The following MYO5A variants were observed in gnomAD, a reference collection of about 807,000 sequenced individuals.
MYO5A encodes the protein unconventional myosin-Va.
A neutral mutation model predicts 249.7 loss-of-function variants in MYO5A; 98 were observed. The observed-to-expected ratio is 0.39, with a 90% CI of 0.33 to 0.46. The LOEUF (loss-of-function observed/expected upper bound fraction) is 0.46, where lower values mean the gene tolerates loss of function less well. Among genes scored for constraint, MYO5A ranks in the 20% least tolerant of loss-of-function variants. The probability of loss-of-function intolerance (pLI) is 0.98; values close to 1 mark genes in which losing one functional copy is unlikely to be tolerated. For missense variants in MYO5A, 1,696 were observed against 2,308.8 expected, an observed-to-expected ratio of 0.73 and a Z score of 5.44; for synonymous variants, 778 against 810.6, an observed-to-expected ratio of 0.96 and a Z score of 0.68.
At chr15:52,415,674 C>T (rs56128753) in intron 5 of MYO5A, among the ~76,000 whole-genome samples, 22,886 of 152,100 alleles carry the variant, frequency 0.15, 1,829 homozygotes, top group Middle Eastern at 0.22. Flanking sequence ...CAACTGAGGT[C>T]GGACTAAGTA....
At chr15:52,491,383 GT>G (rs2076933012) in intron 1 of MYO5A, among the ~76,000 whole-genome samples, 1 of 151,984 alleles carries the variant, frequency 6.6e-6, no homozygotes, top group African/African-American at 2.4e-5. Context: ...GGGTTCTGAT[GT>G]TTTCTATTAA....
rs999482424 is a variant in MYO5A at position 52,502,013 on chromosome 15, T to A, written c.27+26767A>T. Among the ~76,000 whole-genome samples the A allele has an allele frequency of 3.9e-5, 6 of 152,066 alleles. No individual in the cohort carries two copies. The East Asian group carries it at 1.2e-3, about 29-fold the overall frequency. Reference sequence around the variant, plus strand: ...TTTTAAATAGTGGTCAAGATAGTATTTATATATATAAACTAATATTAAATT... The same window carrying A: ...TTTTAAATAGTGGTCAAGATAGTATATATATATATAAACTAATATTAAATT... On this transcript the variant is annotated intron_variant, in intron 1 of 41. Transcript: ENST00000399233.
chr15:52,371,872 A>G (rs1408185903), intron 21 of MYO5A, among the ~76,000 whole-genome samples: 1 of 105,624 alleles, frequency 9.5e-6, no homozygotes, highest in Non-Finnish European at 1.9e-5. Flanking sequence ...CCTGTCTCAA[A>G]TAATAGTAAT....
chr15:52,372,034 G>GGGTAA, intron 21 of MYO5A, 90 bp downstream of exon 21: 1 of 1,588,920 alleles, frequency 6.3e-7, no homozygotes, highest in South Asian at 1.1e-5. Context: ...TAAGACCGAA[G>GGGTAA]GGTAAAGTCA....
intron 8 of MYO5A, 50 bp from the exon 9 acceptor site, chr15:52,405,443 A>C (rs1199540962): frequency 4.5e-6 from 6 of 1,344,632 alleles, no homozygotes; most frequent in Non-Finnish European, 6.4e-6. Context: ...AATAGAAACT[A>C]AACAATTACA....
chr15:52,505,123 T>TC (rs2077241590), intron 1 of MYO5A: 1 of 689,156 alleles, frequency 1.5e-6, no homozygotes, highest in Non-Finnish European at 2.6e-6. Context: ...CCAAGGACAA[T>TC]CTGTGGGCCA....
chr15:52,525,763 T>A (rs2077719363), intron 1 of MYO5A, among the ~76,000 whole-genome samples: 1 of 152,234 alleles, frequency 6.6e-6, no homozygotes, highest in Non-Finnish European at 1.5e-5. Flanking sequence ...TAGTAGTTTT[T>A]ATCTCTGGAA....
chr15:52,343,636 T>C (rs891662304), intron 30 of MYO5A, among the ~76,000 whole-genome samples: 2 of 152,206 alleles, frequency 1.3e-5, no homozygotes, highest in African/African-American at 4.8e-5. Flanking sequence ...GTCCTCTAGG[T>C]AGGAACGTTT....
intron 1 of MYO5A, among the ~76,000 whole-genome samples, chr15:52,480,084 C>T (rs923225658): frequency 3.3e-5 from 5 of 152,170 alleles, no homozygotes; most frequent in South Asian, 2.1e-4. Context: ...AGCATCACAT[C>T]GTATACCTTG....
At position 52,337,725 on chromosome 15, in the gene MYO5A, G is replaced by T. The variant is rs1419276096; in HGVS notation, c.4314+85C>A. 9 of 977,774 alleles carry T rather than the reference G, an allele frequency of 9.2e-6. No homozygotes were observed. In the Admixed American group the frequency reaches 2.5e-4, roughly 28 times the overall value. 60.6% of individuals were successfully genotyped at this position (977,774 alleles called of 1,614,324 possible). ...AAATTTTGAAGAGACTTCCTGGGAG[G>T]GGGCAGGCAGCAGTGTGCTCTTCAG... On this transcript the variant is annotated intron_variant, in intron 33 of 41. Coordinates refer to ENST00000399233, the MANE Select transcript of MYO5A (RefSeq NM_001382347.1).
chr15:52,457,481 T>C (rs886393768), intron 1 of MYO5A, among the ~76,000 whole-genome samples: 1 of 147,516 alleles, frequency 6.8e-6, no homozygotes, highest in Non-Finnish European at 1.5e-5. Flanking sequence ...CAAGAAGGCA[T>C]ATAAATGGCT....
chr15:52,432,371 A>C (rs566656258), intron 2 of MYO5A, among the ~76,000 whole-genome samples: 34 of 152,280 alleles, frequency 2.2e-4, no homozygotes, highest in Non-Finnish European at 4.3e-4. Flanking sequence ...AAGGGAAAAC[A>C]GTAACTTTAC....
In MYO5A at chr15:52,528,811, G is replaced by A; in HGVS notation, c.-5C>T. 3 of 1,487,394 alleles carry A rather than the reference G, an allele frequency of 2.0e-6. No individual in the cohort carries two copies. The highest frequency in any genetic ancestry group is 1.5e-5 in the African/African-American group (1 of 67,984). 92.1% of individuals were successfully genotyped at this position (1,487,394 alleles called of 1,614,324 possible). On this transcript the variant is annotated 5_prime_UTR_variant, in exon 1 of 42. Coordinates refer to ENST00000399233, the MANE Select transcript of MYO5A (RefSeq NM_001382347.1). The stretch of plus-strand genomic sequence containing the variant: ...GTAGAGCTCCGACGCAGCCATGGCG[G>A]GCCCCGCGCGCCTACGCCCCCCGCC...
At chr15:52,422,579 G>A (rs891786784) in intron 4 of MYO5A, among the ~76,000 whole-genome samples, 1 of 152,046 alleles carries the variant, frequency 6.6e-6, no homozygotes, top group African/African-American at 2.4e-5. Flanking sequence ...AATATACCCA[G>A]AATCCATCTA....
chr15:52,339,093 C>T (rs1172025775), intron 32 of MYO5A, among the ~76,000 whole-genome samples: 1 of 152,154 alleles, frequency 6.6e-6, no homozygotes, highest in Non-Finnish European at 1.5e-5. Flanking sequence ...ACTGCCCCCA[C>T]CCTCCTCCCT....
At chr15:52,412,997 A>T (rs1399809136) in intron 5 of MYO5A, among the ~76,000 whole-genome samples, 1 of 152,070 alleles carries the variant, frequency 6.6e-6, no homozygotes, top group Non-Finnish European at 1.5e-5. Flanking sequence ...AAAATACGAC[A>T]GTAGCTGAGC....
At chr15:52,486,159 G>A (rs1207815650) in intron 1 of MYO5A, among the ~76,000 whole-genome samples, 2 of 152,172 alleles carry the variant, frequency 1.3e-5, no homozygotes, top group Non-Finnish European at 2.9e-5. Flanking sequence ...TTAAGCTGGG[G>A]GTGGGGGATG....
intron 18 of MYO5A, 122 bp downstream of exon 18, chr15:52,379,503 T>A: frequency 1.2e-6 from 1 of 837,464 alleles, no homozygotes; most frequent in Non-Finnish European, 2.0e-6. Flanking sequence ...AGTGTGCCCC[T>A]CTCTGATCCC....
chr15:52,384,055 C>A lies in MYO5A; in HGVS notation c.1914+106G>T, dbSNP rs2041874947. On this transcript the variant is annotated intron_variant, in intron 15 of 41. Coordinates refer to ENST00000399233, the MANE Select transcript of MYO5A (RefSeq NM_001382347.1). ...ATGATCTCACAGTGAAAGCTCTAGG[C>A]TCTCCTCACCTGAGGATCCCACCTG... is the stretch of plus-strand genomic sequence containing the variant. 5.1e-6 allele frequency: 7 copies of A among 1,374,302 alleles called. No homozygotes were observed. The South Asian group carries it at 8.3e-5, about 16-fold the overall frequency. The allele number at this position is 1,374,302 out of a possible 1,614,324, so 85.1% of individuals were successfully genotyped here.
Sources: gnomAD v4.1 joint callset for allele counts (sites outside exome capture counted in the v4.1 genomes callset) on GRCh38, gnomAD v4.1.1 for gene constraint, MANE v1.5 for transcripts, NCBI Gene and HGNC (gene_info 2026-07-23, HGNC 2026-07-21) for gene names.